The following ALDH3A2 variants were observed in gnomAD, a reference collection of about 807,000 sequenced individuals.
The protein encoded by ALDH3A2 is aldehyde dehydrogenase 3 family member A2, also known as aldehyde dehydrogenase family 3 member A2.
A neutral mutation model predicts 51.3 loss-of-function variants in ALDH3A2; 36 were observed. The observed-to-expected ratio is 0.70, with a 90% CI of 0.54 to 0.93. The LOEUF (loss-of-function observed/expected upper bound fraction) is 0.93, where lower values mean the gene tolerates loss of function less well. Ranked by LOEUF, ALDH3A2 falls within the 40% of genes least tolerant of loss-of-function variation. The pLI is 0.00. For synonymous variants in ALDH3A2, 199 were observed against 219.8 expected (o/e 0.91, Z 0.84); for missense variants, 552 against 603.1 (o/e 0.92, Z 0.89).
intron 5 of ALDH3A2, among the ~76,000 whole-genome samples, chr17:19,660,010 A>G (rs1189605611): frequency 1.3e-5 from 2 of 152,048 alleles, no homozygotes; most frequent in East Asian, 3.9e-4. Context: ...TGAGCACATG[A>G]AGGGAGAGTT....
Position 19,656,525 on chromosome 17 carries a change from A to G in ALDH3A2, c.631A>G (p.Lys211Glu). The G allele has an allele frequency of 6.2e-7, 1 of 1,614,066 alleles. No individual in the cohort carries two copies. Among genetic ancestry groups the G allele is most frequent in the Non-Finnish European group, 8.5e-7 (1 of 1,179,978 alleles). Reference sequence around the variant, plus strand: ...CCCTGTGACTCTTGAACTGGGAGGGAAAAGTCCATGTTATATTGATAAAGA... The same window carrying G: ...CCCTGTGACTCTTGAACTGGGAGGGGAAAGTCCATGTTATATTGATAAAGA... ...LTPVTLELGG[K>E]SPCYIDKDCD... Residue 211 changes from lysine (K) to glutamate (E), a missense_variant, in exon 4 of 10, where the codon AAA (lysine) becomes GAA (glutamate). Physicochemically the swap from Lys to Glu is moderately conservative, Grantham distance 56 (BLOSUM62 1). Transcript: ENST00000176643.
At chr17:19,663,708 T>C (rs1347307695) in intron 7 of ALDH3A2, among the ~76,000 whole-genome samples, 1 of 152,198 alleles carries the variant, frequency 6.6e-6, no homozygotes, top group Non-Finnish European at 1.5e-5. Context: ...ATTCCCCTCC[T>C]CCCTCGGGTT....
chr17:19,663,399 T>G lies in ALDH3A2; in HGVS notation c.1007T>G (p.Ile336Ser), dbSNP rs1398694755. 1 of 1,614,190 alleles carries G rather than the reference T, an allele frequency of 6.2e-7. No homozygotes were observed. Among genetic ancestry groups the G allele is most frequent in the Non-Finnish European group, 8.5e-7 (1 of 1,180,020 alleles). Residue 336 changes from isoleucine to serine, a missense_variant, in exon 7 of 10, where the codon ATT becomes AGT. By Grantham distance (142) the Ile-to-Ser change is moderately radical. Coordinates refer to ENST00000176643, the MANE Select transcript of ALDH3A2 (RefSeq NM_000382.3). ...ATGCAAGAAGAAATTTTTGGACCAA[T>G]TCTTCCAATAGTGCCTGTGAAAAAT... ...KVMQEEIFGP[I>S]LPIVPVKNVD...
At chr17:19,668,076 A>G (rs564021854) in intron 8 of ALDH3A2, among the ~76,000 whole-genome samples, 1 of 152,072 alleles carries the variant, frequency 6.6e-6, no homozygotes, top group East Asian at 1.9e-4. Flanking sequence ...AATTTTTTTT[A>G]CCACTCTCAT....
In ALDH3A2 at chr17:19,671,747, G is replaced by A. The variant is rs778115541; in HGVS notation, c.1234G>A (p.Gly412Arg). 3.1e-6 allele frequency: 5 copies of A among 1,614,076 alleles called. No homozygotes were observed. The highest frequency in any genetic ancestry group is 2.2e-5 in the East Asian group (1 of 44,886). The stretch of plus-strand genomic sequence containing the variant: ...TTCCAGTGGGATGGGAGCTTATCAC[G>A]GAAAACATAGTTTTGATACTTTTTC... ...VGSSGMGAYHGKHSFDTFSHQ... is the reference protein window; with the variant it reads ...VGSSGMGAYHRKHSFDTFSHQ... The change falls in exon 9 of 10, where the codon GGA becomes AGA. Residue 412 changes from glycine (G) to arginine (R), a missense_variant. By Grantham distance (125) the Gly-to-Arg change is moderately radical. Coordinates refer to ENST00000176643, the MANE Select transcript of ALDH3A2 (RefSeq NM_000382.3).
At chr17:19,668,645 C>CA (rs2085071494) in intron 8 of ALDH3A2, among the ~76,000 whole-genome samples, 2 of 77,918 alleles carry the variant, frequency 2.6e-5, no homozygotes, top group Non-Finnish European at 5.8e-5. Context: ...CATCTGTAGG[C>CA]TGGGTGCGGT....
intron 8 of ALDH3A2, among the ~76,000 whole-genome samples, chr17:19,666,771 C>T (rs903382801): frequency 2.9e-4 from 41 of 141,006 alleles, no homozygotes; most frequent in African/African-American, 7.9e-4. Flanking sequence ...AGCGAGACTC[C>T]GATCTCAAAA....
intron 7 of ALDH3A2, 55 bp downstream of exon 7, chr17:19,663,554 CCTT>C (rs1367419089): frequency 1.9e-6 from 3 of 1,580,388 alleles, no homozygotes; most frequent in Non-Finnish European, 2.6e-6. Flanking sequence ...GAGTCATGTT[CCTT>C]CTTTGCTGTA....
chr17:19,657,770 A>G lies in ALDH3A2; in HGVS notation c.706A>G (p.Asn236Asp). The stretch of plus-strand genomic sequence containing the variant: ...ACGCATAACCTGGGGAAAATACATG[A>G]ATTGTGGCCAAACCTGCATTGCACC... The part of the protein sequence containing the change: ...CRRITWGKYM[N>D]CGQTCIAPDY... Residue 236 changes from asparagine (N) to aspartate (D), a missense_variant, in exon 5 of 10, where the codon AAT becomes GAT. Transcript: ENST00000176643. 1 of 1,613,950 alleles carries G rather than the reference A, an allele frequency of 6.2e-7. No individual in the cohort carries two copies. Among genetic ancestry groups the G allele is most frequent in the East Asian group, 2.2e-5 (1 of 44,868 alleles).
intron 7 of ALDH3A2, among the ~76,000 whole-genome samples, chr17:19,664,072 A>G (rs2085003700): frequency 6.6e-6 from 1 of 152,160 alleles, no homozygotes; most frequent in African/African-American, 2.4e-5. Context: ...CATGGCCCAA[A>G]TGTTTTCTGG....
At chr17:19,660,664 G>C (rs2084954638) in intron 5 of ALDH3A2, among the ~76,000 whole-genome samples, 1 of 152,194 alleles carries the variant, frequency 6.6e-6, no homozygotes, top group South Asian at 2.1e-4. Flanking sequence ...ATTGGCAAAT[G>C]GTTTCTGTAA....
intron 9 of ALDH3A2, among the ~76,000 whole-genome samples, chr17:19,672,930 A>T (rs532298414): frequency 6.6e-6 from 1 of 152,076 alleles, no homozygotes; most frequent in East Asian, 1.9e-4. Context: ...AGTCCCAGCT[A>T]CTCGGGAGGC....
rs550931284 is a variant in ALDH3A2 at position 19,650,497 on chromosome 17, A to T, written c.154-1050A>T. On this transcript the variant is annotated intron_variant, in intron 1 of 9. Transcript: ENST00000176643. ...GAGGCGGAGTCTCGCTCTTTCTCCCAGGCCGGACTGCAGTGGTGCTCTTTT... is the reference window on the plus strand; with the variant it reads ...GAGGCGGAGTCTCGCTCTTTCTCCCTGGCCGGACTGCAGTGGTGCTCTTTT... 2.6e-5 allele frequency among the ~76,000 whole-genome samples: 4 copies of T among 151,854 alleles called. No individual in the cohort carries two copies. The South Asian group carries it at 6.3e-4, about 24-fold the overall frequency.
In ALDH3A2 at chr17:19,677,090, T is replaced by C. The variant is rs1416790606; in HGVS notation, c.*1518T>C. 2 of 152,274 alleles carry C rather than the reference T, an allele frequency of 1.3e-5. No homozygotes were observed. The highest frequency in any genetic ancestry group is 2.4e-5 in the African/African-American group (1 of 41,458). The allele number at this position is 152,274 out of a possible 1,614,324, so 9.4% of individuals were successfully genotyped here. On this transcript the variant is annotated 3_prime_UTR_variant, in exon 10 of 10. Coordinates refer to ENST00000176643, the MANE Select transcript of ALDH3A2 (RefSeq NM_000382.3). ...AGTGGGCAAGGCTGAAGAAGAGGCC[T>C]GTGGAATGCAGCATTACCTGCTGGA...
At chr17:19,648,598 C>G (rs752340582), upstream of ALDH3A2, 2 of 253,868 alleles carry the variant, frequency 7.9e-6, no homozygotes, top group Non-Finnish European at 1.5e-5. Context: ...GGCCCGTGGC[C>G]GCGCTCGGCT....
rs34642385 is a variant in ALDH3A2 at position 19,665,376 on chromosome 17, C to CGTGTGTGT, written c.1207+355_1207+362dup. Among the ~76,000 whole-genome samples the CGTGTGTGT allele has an allele frequency of 9.6e-3, 1,396 of 145,016 alleles. 30 individuals are homozygous for CGTGTGTGT. Among genetic ancestry groups the CGTGTGTGT allele is most frequent in the African/African-American group, 0.032 (1,284 of 39,638 alleles). ...CAAATTAATTAAGAAGATCTCTCTT[C>CGTGTGTGT]GTGTGTGTGTGTGTGTGTGTGTGTG... On this transcript the variant is annotated intron_variant, in intron 8 of 9. Transcript: ENST00000176643.
chr17:19,670,298 A>G (rs918833592), intron 8 of ALDH3A2, among the ~76,000 whole-genome samples: 2 of 152,168 alleles, frequency 1.3e-5, no homozygotes, highest in African/African-American at 4.8e-5. Context: ...TAATGGGAAT[A>G]TGTTATATCA....
In ALDH3A2 at chr17:19,656,303, T is replaced by C. The variant is rs2084894941; in HGVS notation, c.472-63T>C. On this transcript the variant is annotated intron_variant, in intron 3 of 9. Transcript: ENST00000176643. ...TGTTACATGTTTATGTTGAAGAGAT[T>C]GCTGATGTTAGACGTTAGGATTTAT... is the stretch of plus-strand genomic sequence containing the variant. 5.1e-6 allele frequency: 7 copies of C among 1,361,190 alleles called. No individual in the cohort carries two copies. In the South Asian group the frequency reaches 8.3e-5, roughly 16 times the overall value. The allele number at this position is 1,361,190 out of a possible 1,614,324, so 84.3% of individuals were successfully genotyped here.
chr17:19,675,623 T>C lies in ALDH3A2; in HGVS notation c.*51T>C, dbSNP rs539834446. 18 of 1,563,568 alleles carry C rather than the reference T, an allele frequency of 1.2e-5. No individual in the cohort carries two copies. The African/African-American group carries it at 2.0e-4, about 18-fold the overall frequency. ...TGCCTCTACTGAATTATTCCTCTTT[T>C]AAATGGTTAATGAACCAATAATTTT... On this transcript the variant is annotated 3_prime_UTR_variant, in exon 10 of 10. Coordinates refer to ENST00000176643, the MANE Select transcript of ALDH3A2 (RefSeq NM_000382.3).
Sources: allele counts gnomAD v4.1 joint callset (sites outside exome capture counted in the v4.1 genomes callset), GRCh38; gene constraint gnomAD v4.1.1; transcripts MANE v1.5; gene names NCBI Gene and HGNC (gene_info 2026-07-23, HGNC 2026-07-21).